DNAJB2: variants seen among roughly 807,000 people sequenced by gnomAD.
The protein encoded by DNAJB2 is dnaJ homolog subfamily B member 2.
DNAJB2 carries 19 observed loss-of-function variants against 33.3 expected under a neutral mutation model. The observed-to-expected ratio is 0.57, with a 90% CI of 0.40 to 0.84. The LOEUF (loss-of-function observed/expected upper bound fraction) is 0.84, where lower values mean the gene tolerates loss of function less well. Among genes scored for constraint, DNAJB2 ranks in the 40% least tolerant of loss-of-function variants. DNAJB2 has a pLI of 0.00. For missense variants in DNAJB2, 368 were observed against 430.9 expected (o/e 0.85, Z 1.29); for synonymous variants, 172 against 164.6 (o/e 1.04, Z -0.34).
At position 219,286,018 on chromosome 2, in the gene DNAJB2, ATC is replaced by A. The variant is rs776444434; in HGVS notation, c.*1032_*1033del. The A allele has an allele frequency of 3.4e-5, 55 of 1,612,364 alleles. No homozygotes were observed. Among genetic ancestry groups the A allele is most frequent in the Admixed American group, 1.5e-4 (9 of 59,974 alleles). ...TCTGAGCTGGATGCCGGGTTCCAGAATCGCTGCACAGTTCCAACAGGACAGCG... is the reference window on the plus strand; with the variant it reads ...TCTGAGCTGGATGCCGGGTTCCAGAAGCTGCACAGTTCCAACAGGACAGCG... On this transcript the variant is annotated 3_prime_UTR_variant, in exon 9 of 9. Coordinates refer to ENST00000336576, the MANE Select transcript of DNAJB2 (RefSeq NM_006736.6).
At position 219,284,880 on chromosome 2, in the gene DNAJB2, C is replaced by T. The variant is rs773564082; in HGVS notation, c.868C>T (p.Gln290Ter). 1.6e-5 allele frequency: 26 copies of T among 1,607,630 alleles called. No individual in the cohort carries two copies. Among genetic ancestry groups the T allele is most frequent in the Non-Finnish European group, 2.0e-5 (23 of 1,176,142 alleles). Residue 290 changes from glutamine (Q) to a stop codon, truncating the protein, a stop_gained, in exon 9 of 9, where the codon CAG (glutamine) becomes TAG (stop). Transcript: ENST00000336576. LOFTEE classifies it high-confidence loss of function. The part of the protein sequence containing the change: ...QHRRQGRPKA[Q>*]HQDPGLGGTQ... ...CCGACGGCAGGGGCGGCCCAAGGCCCAGCACCAAGATCCAGGCTTGGGGGG... is the reference window on the plus strand; with the variant it reads ...CCGACGGCAGGGGCGGCCCAAGGCCTAGCACCAAGATCCAGGCTTGGGGGG...
At chr2:219,283,370 T>C in intron 7 of DNAJB2, 49 bp from the exon 8 acceptor site, 1 of 1,609,930 alleles carries the variant, frequency 6.2e-7, no homozygotes, top group Non-Finnish European at 8.5e-7. Context: ...GACCAGCGCC[T>C]GCAGGATTCT....
In DNAJB2 at chr2:219,285,623, G is replaced by T. The variant is rs1057455052; in HGVS notation, c.*636G>T. On this transcript the variant is annotated 3_prime_UTR_variant, in exon 9 of 9. Coordinates refer to ENST00000336576, the MANE Select transcript of DNAJB2 (RefSeq NM_006736.6). ...TTCCCCGAGAAGGCCTCAATGTGGC[G>T]AGGAAGATGCTGGGGCCGGTAGGGC... 2.3e-5 allele frequency: 25 copies of T among 1,100,058 alleles called. No homozygotes were observed. Among genetic ancestry groups the T allele is most frequent in the Non-Finnish European group, 2.7e-5 (24 of 902,804 alleles). 68.1% of individuals were successfully genotyped at this position (1,100,058 alleles called of 1,614,324 possible). A position where few individuals can be genotyped will look rare whatever the true frequency, so the allele number is the denominator to read the frequency against.
Position 219,282,095 on chromosome 2 carries a change from A to G in DNAJB2, c.352+34A>G, listed in dbSNP as rs561000982. 4 of 1,613,904 alleles carry G rather than the reference A, an allele frequency of 2.5e-6. No individual in the cohort carries two copies. In the African/African-American group the frequency reaches 4.0e-5, roughly 16 times the overall value. ...ACTCTGGAAGCCTCTGAATGGCTCA[A>G]CTTCCCCCTCCAGGCCTGTCCTTCC... On this transcript the variant is annotated intron_variant, in intron 5 of 8. Coordinates refer to ENST00000336576, the MANE Select transcript of DNAJB2 (RefSeq NM_006736.6).
intron 3 of DNAJB2, 126 bp downstream of exon 3, chr2:219,280,813 G>A (rs921039383): frequency 3.4e-5 from 24 of 701,474 alleles, no homozygotes; most frequent in Non-Finnish European, 5.5e-5. Flanking sequence ...TGACATTTAA[G>A]CTCCCCCCTC....
Position 219,285,379 on chromosome 2 carries a change from C to A in DNAJB2, c.*392C>A. On this transcript the variant is annotated 3_prime_UTR_variant, in exon 9 of 9. Coordinates refer to ENST00000336576, the MANE Select transcript of DNAJB2 (RefSeq NM_006736.6). ...CTAGGGTTGTCTGAGCCGGAGCCGGCAGCTCCACTGGAGAGCAGTGCAGGC... is the reference window on the plus strand; with the variant it reads ...CTAGGGTTGTCTGAGCCGGAGCCGGAAGCTCCACTGGAGAGCAGTGCAGGC... 2 of 1,014,024 alleles carry A rather than the reference C, an allele frequency of 2.0e-6. No homozygotes were observed. The highest frequency in any genetic ancestry group is 2.4e-6 in the Non-Finnish European group (2 of 848,662). 62.8% of individuals were successfully genotyped at this position (1,014,024 alleles called of 1,614,324 possible). A position where few individuals can be genotyped will look rare whatever the true frequency, so the allele number is the denominator to read the frequency against.
In DNAJB2 at chr2:219,286,116, C is replaced by A; in HGVS notation, c.*1129C>A. On this transcript the variant is annotated 3_prime_UTR_variant, in exon 9 of 9. Coordinates refer to ENST00000336576, the MANE Select transcript of DNAJB2 (RefSeq NM_006736.6). ...CCCATGCTGAGTGTAGAGCCGGGGC[C>A]TGGGTGGCGGGTGGGGGCCGGGTGG... 4.3e-6 allele frequency: 1 copy of A among 233,240 alleles called. No individual in the cohort carries two copies. Among genetic ancestry groups the A allele is most frequent in the Non-Finnish European group, 6.7e-6 (1 of 149,602 alleles). 14.4% of individuals were successfully genotyped at this position (233,240 alleles called of 1,614,324 possible).
At chr2:219,280,930 C>T in intron 3 of DNAJB2, 1 of 507,330 alleles carries the variant, frequency 2.0e-6, no homozygotes, top group Non-Finnish European at 3.5e-6. Flanking sequence ...AGCTGAGCCT[C>T]CTGCGTGCCA....
intron 3 of DNAJB2, 127 bp from the exon 4 acceptor site, chr2:219,281,591 C>G (rs762519624): frequency 3.1e-6 from 4 of 1,281,374 alleles, no homozygotes; most frequent in Non-Finnish European, 4.5e-6. Context: ...CCCTGGGTCC[C>G]CTGCTGTGCC....
At position 219,286,320 on chromosome 2, in the gene DNAJB2, C is replaced by A; in HGVS notation, c.*1333C>A. On this transcript the variant is annotated 3_prime_UTR_variant, in exon 9 of 9. Coordinates refer to ENST00000336576, the MANE Select transcript of DNAJB2 (RefSeq NM_006736.6). Reference sequence around the variant, plus strand: ...TGGGACATGTAGTAGCCCAGGTCGGCTTGTCACTCGCTGTGAGATGGGGAG... The same window carrying A: ...TGGGACATGTAGTAGCCCAGGTCGGATTGTCACTCGCTGTGAGATGGGGAG... 2.9e-6 allele frequency: 1 copy of A among 344,946 alleles called. No homozygotes were observed. Among genetic ancestry groups the A allele is most frequent in the South Asian group, 6.7e-5 (1 of 14,938 alleles). The allele number at this position is 344,946 out of a possible 1,614,324, so 21.4% of individuals were successfully genotyped here.
At chr2:219,284,481 T>C (rs1197689320) in intron 8 of DNAJB2, 151 bp from the exon 9 acceptor site, 17 of 942,578 alleles carry the variant, frequency 1.8e-5, no homozygotes, top group Admixed American at 1.5e-4. Flanking sequence ...TACTTCCTTG[T>C]GCTCAAAATC....
Position 219,283,210 on chromosome 2 carries a change from C to T in DNAJB2, c.523C>T (p.Gln175Ter). The part of the protein sequence containing the change: ...RSVSTSTTFV[Q>*]GRRITTRRIM... Reference sequence around the variant, plus strand: ...TGTTTCTACATCTACCACCTTTGTCCAAGGACGCCGCATCACCACACGCAG... The same window carrying T: ...TGTTTCTACATCTACCACCTTTGTCTAAGGACGCCGCATCACCACACGCAG... The change falls in exon 7 of 9, where the codon CAA (glutamine) becomes TAA (stop). Residue 175 changes from glutamine to a stop codon, truncating the protein, a stop_gained. Transcript: ENST00000336576. LOFTEE classifies it high-confidence loss of function. 1 of 1,614,214 alleles carries T rather than the reference C, an allele frequency of 6.2e-7. No individual in the cohort carries two copies. The highest frequency in any genetic ancestry group is 8.5e-7 in the Non-Finnish European group (1 of 1,180,048).
At chr2:219,280,092 GTAGT>G (rs1277598351) in intron 2 of DNAJB2, 194 bp downstream of exon 2, 28 of 611,520 alleles carry the variant, frequency 4.6e-5, no homozygotes, top group African/African-American at 1.1e-4. Context: ...AGAGAGTGAA[GTAGT>G]TAGTTCCTCT....
intron 2 of DNAJB2, 26 bp from the exon 3 acceptor site, chr2:219,280,552 C>T: frequency 1.3e-6 from 2 of 1,588,452 alleles, no homozygotes; most frequent in Non-Finnish European, 1.7e-6. Context: ...TCCCCCGACT[C>T]TCTCCTCTGC....
chr2:219,281,934 T>C lies in DNAJB2; in HGVS notation c.230-5T>C, dbSNP rs764916088. 1.2e-6 allele frequency: 2 copies of C among 1,614,028 alleles called. No homozygotes were observed. Among genetic ancestry groups the C allele is most frequent in the African/African-American group, 1.3e-5 (1 of 75,038 alleles). ...CTAAGCTCTCTCCTCATCCTGCCTT[T>C]CCAGGAACTGGCCCATCTCGGGCAG... On this transcript the variant is annotated splice_polypyrimidine_tract_variant and splice_region_variant and intron_variant, in intron 4 of 8. Coordinates refer to ENST00000336576, the MANE Select transcript of DNAJB2 (RefSeq NM_006736.6).
chr2:219,284,904 G>A lies in DNAJB2; in HGVS notation c.892G>A (p.Gly298Arg), dbSNP rs1951940724. The change falls in exon 9 of 9, where the codon GGG becomes AGG. Residue 298 changes from glycine (G) to arginine (R), a missense_variant. Coordinates refer to ENST00000336576, the MANE Select transcript of DNAJB2 (RefSeq NM_006736.6). ...KAQHQDPGLGGTQEGARGEAT... is the reference protein window; with the variant it reads ...KAQHQDPGLGRTQEGARGEAT... ...CCAGCACCAAGATCCAGGCTTGGGG[G>A]GGACCCAGGAGGGTGCGAGGGGTGA... The A allele has an allele frequency of 3.1e-6, 5 of 1,603,118 alleles. No individual in the cohort carries two copies. The East Asian group carries it at 1.1e-4, about 36-fold the overall frequency.
intron 2 of DNAJB2, 174 bp downstream of exon 2, chr2:219,280,072 G>A (rs1951890496): frequency 1.5e-6 from 1 of 656,426 alleles, no homozygotes; most frequent in Admixed American, 2.8e-5. Flanking sequence ...AGAGTACAAG[G>A]AGAACGTCCA....
At position 219,285,284 on chromosome 2, in the gene DNAJB2, G is replaced by C; in HGVS notation, c.*297G>C. On this transcript the variant is annotated 3_prime_UTR_variant, in exon 9 of 9. Transcript: ENST00000336576. ...AGCTCCAAGGGGCATTAGTGGTTTGGGCTGGGCCTTTTGTGCCCTGGTACT... is the reference window on the plus strand; with the variant it reads ...AGCTCCAAGGGGCATTAGTGGTTTGCGCTGGGCCTTTTGTGCCCTGGTACT... 1 of 1,118,678 alleles carries C rather than the reference G, an allele frequency of 8.9e-7. No individual in the cohort carries two copies. Among genetic ancestry groups the C allele is most frequent in the Non-Finnish European group, 1.1e-6 (1 of 914,836 alleles). The allele number at this position is 1,118,678 out of a possible 1,614,324, so 69.3% of individuals were successfully genotyped here.
Position 219,285,021 on chromosome 2 carries a change from G to T in DNAJB2, c.*34G>T. 6.9e-7 allele frequency: 1 copy of T among 1,449,758 alleles called. No homozygotes were observed. The highest frequency in any genetic ancestry group is 1.5e-5 in the South Asian group (1 of 67,432). The allele number at this position is 1,449,758 out of a possible 1,614,324, so 89.8% of individuals were successfully genotyped here. Reference sequence around the variant, plus strand: ...CCCAACCTGATCTGATCCAGATCTTGACTGGGGGGTCTGACTCACTGTGGG... The same window carrying T: ...CCCAACCTGATCTGATCCAGATCTTTACTGGGGGGTCTGACTCACTGTGGG... On this transcript the variant is annotated 3_prime_UTR_variant, in exon 9 of 9. Coordinates refer to ENST00000336576, the MANE Select transcript of DNAJB2 (RefSeq NM_006736.6).
Sources: gnomAD v4.1 joint callset for allele counts on GRCh38, gnomAD v4.1.1 for gene constraint, MANE v1.5 for transcripts, NCBI Gene and HGNC (gene_info 2026-07-23, HGNC 2026-07-21) for gene names.